The following CHSY1 variants were observed in gnomAD, a reference collection of about 807,000 sequenced individuals.
CHSY1 encodes chondroitin sulfate synthase 1, also known as N-acetylgalactosaminyl-proteoglycan 3-beta-glucuronosyltransferase 1.
A neutral mutation model predicts 59.8 loss-of-function variants in CHSY1; 13 were observed. The observed-to-expected ratio is 0.22, with a 90% CI of 0.14 to 0.35. The LOEUF is 0.35. Ranked by LOEUF, CHSY1 falls within the 10% of genes least tolerant of loss-of-function variation. The probability of loss-of-function intolerance (pLI) is 1.00; values close to 1 mark genes in which losing one functional copy is unlikely to be tolerated. For missense variants in CHSY1, 947 were observed against 1,030.6 expected (o/e 0.92, Z 1.11); for synonymous variants, 459 against 401.2 (o/e 1.14, Z -1.72).
At chr15:101,241,173 C>T (rs1431126500) in intron 1 of CHSY1, among the ~76,000 whole-genome samples, 2 of 152,184 alleles carry the variant, frequency 1.3e-5, no homozygotes, top group African/African-American at 4.8e-5. Context: ...TCACTGCAAC[C>T]TCCGTCTCCC....
intron 2 of CHSY1, among the ~76,000 whole-genome samples, chr15:101,211,326 AAAAC>A (rs987535713): frequency 2.1e-4 from 32 of 152,380 alleles, no homozygotes; most frequent in East Asian, 1.2e-3. Flanking sequence ...TTAGTCTCAA[AAAAC>A]AAACAAAGCA....
At chr15:101,190,908 G>T (rs922720485) in intron 2 of CHSY1, among the ~76,000 whole-genome samples, 1 of 152,190 alleles carries the variant, frequency 6.6e-6, no homozygotes, top group Non-Finnish European at 1.5e-5. Flanking sequence ...GAAGGGCCGA[G>T]AGGAGCGACG....
intron 1 of CHSY1, 130 bp from the exon 2 acceptor site, chr15:101,235,707 C>A (rs2038934591): frequency 2.0e-6 from 2 of 988,656 alleles, no homozygotes; most frequent in Non-Finnish European, 3.0e-6. Context: ...CTGCTTGGTT[C>A]CTCTTAACGA....
chr15:101,187,185 A>G (rs2038381283), intron 2 of CHSY1, among the ~76,000 whole-genome samples: 1 of 152,236 alleles, frequency 6.6e-6, no homozygotes, highest in South Asian at 2.1e-4. Flanking sequence ...TTTTTGTTAT[A>G]AAGAATATTT....
intron 2 of CHSY1, among the ~76,000 whole-genome samples, chr15:101,202,725 C>T (rs969173139): frequency 6.6e-6 from 1 of 152,094 alleles, no homozygotes; most frequent in Non-Finnish European, 1.5e-5. Flanking sequence ...TTTTTTTTAA[C>T]TTTAAAAGGC....
chr15:101,181,805 C>A (rs571965335), intron 2 of CHSY1, among the ~76,000 whole-genome samples: 36 of 152,256 alleles, frequency 2.4e-4, no homozygotes, highest in African/African-American at 8.4e-4. Flanking sequence ...GGAGTGCCGA[C>A]TCCTCATGCA....
At chr15:101,191,588 A>T (rs1434747292) in intron 2 of CHSY1, among the ~76,000 whole-genome samples, 1 of 152,188 alleles carries the variant, frequency 6.6e-6, no homozygotes, top group Non-Finnish European at 1.5e-5. Flanking sequence ...ATGATATGTC[A>T]CTGTAGGTTC....
intron 2 of CHSY1, among the ~76,000 whole-genome samples, chr15:101,191,788 A>C (rs1201094816): frequency 6.6e-6 from 1 of 152,076 alleles, no homozygotes; most frequent in African/African-American, 2.4e-5. Context: ...ACATCCTCAA[A>C]TTATCTATGT....
At chr15:101,220,658 TG>T (rs2038779537) in intron 2 of CHSY1, among the ~76,000 whole-genome samples, 1 of 152,220 alleles carries the variant, frequency 6.6e-6, no homozygotes, top group South Asian at 2.1e-4. Context: ...GAGGCTCGTC[TG>T]CCCCAACTCT....
At chr15:101,213,302 T>TAAAATCCAAAACACTGATAACAC (rs753787133) in intron 2 of CHSY1, among the ~76,000 whole-genome samples, 4 of 151,842 alleles carry the variant, frequency 2.6e-5, no homozygotes, top group African/African-American at 7.3e-5. Context: ...TTGCATTTTT[T>TAAAATCCAAAACACTGATAACAC]CTGGGAAGTG....
intron 2 of CHSY1, among the ~76,000 whole-genome samples, chr15:101,180,672 T>C (rs1394218049): frequency 1.3e-5 from 2 of 152,158 alleles, no homozygotes; most frequent in Admixed American, 1.3e-4. Flanking sequence ...AGAAGTAACC[T>C]GGGGCTTGCT....
chr15:101,189,800 C>T (rs1196577331), intron 2 of CHSY1, among the ~76,000 whole-genome samples: 1 of 152,046 alleles, frequency 6.6e-6, no homozygotes, highest in Admixed American at 6.5e-5. Context: ...AACCCAACCA[C>T]CCCCACCACC....
At chr15:101,239,574 A>AT (rs1386523197) in intron 1 of CHSY1, among the ~76,000 whole-genome samples, 1 of 152,238 alleles carries the variant, frequency 6.6e-6, no homozygotes, top group African/African-American at 2.4e-5. Flanking sequence ...GCCTGGCACT[A>AT]TGTAAGTATG....
At chr15:101,242,251 C>T (rs898948930) in intron 1 of CHSY1, among the ~76,000 whole-genome samples, 9 of 152,152 alleles carry the variant, frequency 5.9e-5, no homozygotes, top group South Asian at 2.1e-4. Flanking sequence ...GAAACCCTTA[C>T]GCAAGGAACG....
chr15:101,192,759 T>G (rs1376863358), intron 2 of CHSY1, among the ~76,000 whole-genome samples: 1 of 151,946 alleles, frequency 6.6e-6, no homozygotes, highest in Non-Finnish European at 1.5e-5. Flanking sequence ...TATCCAAAGG[T>G]TAAGATGTCA....
intron 2 of CHSY1, among the ~76,000 whole-genome samples, chr15:101,199,922 T>C (rs1017632234): frequency 6.6e-6 from 1 of 152,172 alleles, no homozygotes; most frequent in Admixed American, 6.5e-5. Context: ...TCTAACAGCA[T>C]TACAGCTGCA....
intron 1 of CHSY1, among the ~76,000 whole-genome samples, chr15:101,236,595 G>A (rs939489883): frequency 2.6e-5 from 4 of 152,106 alleles, no homozygotes; most frequent in African/African-American, 9.7e-5. Flanking sequence ...GCCGAGGCGG[G>A]CGGATCATGA....
chr15:101,227,442 G>A (rs955816030), intron 2 of CHSY1, among the ~76,000 whole-genome samples: 3 of 152,086 alleles, frequency 2.0e-5, no homozygotes, highest in African/African-American at 7.2e-5. Flanking sequence ...CTGCCCAAGG[G>A]GATGGCTAAC....
chr15:101,250,912 C>T (rs1259779328), intron 1 of CHSY1, among the ~76,000 whole-genome samples: 1 of 152,200 alleles, frequency 6.6e-6, no homozygotes, highest in Non-Finnish European at 1.5e-5. Context: ...CGAGGCCACA[C>T]TAGTCCATCT....
Sources: gnomAD v4.1 joint callset for allele counts (sites outside exome capture counted in the v4.1 genomes callset) on GRCh38, gnomAD v4.1.1 for gene constraint, MANE v1.5 for transcripts, NCBI Gene and HGNC (gene_info 2026-07-23, HGNC 2026-07-21) for gene names.